MTRF1: variants seen among roughly 807,000 people sequenced by gnomAD.
MTRF1 encodes mitochondrial translation release factor 1.
A neutral mutation model predicts 62.9 loss-of-function variants in MTRF1; 51 were observed. The ratio of observed to expected loss-of-function variants is 0.81; its 90% CI spans 0.65 to 1.02. The LOEUF (loss-of-function observed/expected upper bound fraction) is 1.02. Ranked by LOEUF, MTRF1 falls within the 50% of genes least tolerant of loss-of-function variation. The pLI is 0.00. For missense variants in MTRF1, 446 were observed against 530.0 expected (o/e 0.84, Z 1.56); for synonymous variants, 158 against 181.9 (o/e 0.87, Z 1.06).
intron 3 of MTRF1, among the ~76,000 whole-genome samples, chr13:41,253,289 A>G (rs1313531777): frequency 6.6e-6 from 1 of 152,236 alleles, no homozygotes; most frequent in East Asian, 1.9e-4. Context: ...AGAATGCAGA[A>G]GTTCAGATCA....
chr13:41,290,644 CG>C, the MTRF1 span, among the ~76,000 whole-genome samples: 6 of 143,556 alleles, frequency 4.2e-5, no homozygotes, highest in East Asian at 1.3e-3. Context: ...CCGCCCACCT[CG>C]GCCTCCCAAA....
At chr13:41,299,142 G>A in the MTRF1 span, among the ~76,000 whole-genome samples, 31 of 150,418 alleles carry the variant, frequency 2.1e-4, no homozygotes, top group African/African-American at 4.9e-4. Flanking sequence ...GTAGTGAGCC[G>A]AGATCATGCC....
chr13:41,228,712 G>A (rs1267151917), intron 7 of MTRF1, among the ~76,000 whole-genome samples: 1 of 152,148 alleles, frequency 6.6e-6, no homozygotes, highest in Non-Finnish European at 1.5e-5. Flanking sequence ...TCCCAAGAAA[G>A]GTAATATTCC....
At chr13:41,253,850 A>G (rs1404340605) in intron 3 of MTRF1, among the ~76,000 whole-genome samples, 1 of 152,212 alleles carries the variant, frequency 6.6e-6, no homozygotes, top group African/African-American at 2.4e-5. Flanking sequence ...CTTTTCAAAA[A>G]GCCCCTCTAT....
chr13:41,306,184 C>T, the MTRF1 span, among the ~76,000 whole-genome samples: 2 of 152,036 alleles, frequency 1.3e-5, no homozygotes, highest in African/African-American at 2.4e-5. Flanking sequence ...AGATCGAGAC[C>T]ATCCTGGCTA....
intron 6 of MTRF1, chr13:41,235,380 G>C (rs2036318020): frequency 6.6e-6 from 1 of 152,062 alleles, no homozygotes; most frequent in Admixed American, 6.6e-5. Flanking sequence ...ATAACTACTG[G>C]GAATAATGAA....
intron 8 of MTRF1, 111 bp from the exon 9 acceptor site, chr13:41,223,465 A>T (rs2026469): frequency 0.71 from 563,019 of 797,400 alleles, 199,810 homozygotes; most frequent in African/African-American, 0.72. Context: ...TTTCTAAAAG[A>T]CATATATACA....
the MTRF1 span, among the ~76,000 whole-genome samples, chr13:41,283,956 C>T: frequency 6.6e-6 from 1 of 152,054 alleles, no homozygotes; most frequent in Non-Finnish European, 1.5e-5. Context: ...TCCTGTTTTA[C>T]AGCACTAGGT....
chr13:41,231,921 G>A (rs1263818948), intron 7 of MTRF1, among the ~76,000 whole-genome samples: 1 of 151,122 alleles, frequency 6.6e-6, no homozygotes, highest in Non-Finnish European at 1.5e-5. Context: ...AGGCATGGTG[G>A]CAAGCGCCTA....
chr13:41,261,370 CATAATTCTT>C (rs66914544), intron 1 of MTRF1: 95,137 of 153,338 alleles, frequency 0.62, 29,845 homozygotes, highest in Admixed American at 0.65. Context: ...ACAGAAAGAA[CATAATTCTT>C]CAAATGTATG....
chr13:41,281,717 C>T, the MTRF1 span, among the ~76,000 whole-genome samples: 1 of 152,168 alleles, frequency 6.6e-6, no homozygotes, highest in Non-Finnish European at 1.5e-5. Context: ...CACTTTGTAA[C>T]AGTACTGACT....
the MTRF1 span, among the ~76,000 whole-genome samples, chr13:41,287,497 G>A: frequency 8.5e-5 from 13 of 152,210 alleles, no homozygotes; most frequent in East Asian, 2.5e-3. Context: ...CGATATTAAG[G>A]GGATCTAAAA....
At position 41,217,133 on chromosome 13, in the gene MTRF1, G is replaced by A; in HGVS notation, c.1320C>T (p.His440=). 6.2e-7 allele frequency: 1 copy of A among 1,602,678 alleles called. No individual in the cohort carries two copies. The highest frequency in any genetic ancestry group is 8.5e-7 in the Non-Finnish European group (1 of 1,172,596). ...TTAGTATTTATTTTGCTGATTTAAG[G>A]TGTTCATCCAAAAGTTCAGCAATGG... is the stretch of plus-strand genomic sequence containing the variant. ...EEAIAELLDE[H]LKSAK Residue 440 remains histidine, a synonymous_variant, in exon 10 of 10, where the codon CAC becomes CAT. Coordinates refer to ENST00000379480, the MANE Select transcript of MTRF1 (RefSeq NM_004294.4).
At chr13:41,256,453 A>G (rs2039737977) in intron 2 of MTRF1, among the ~76,000 whole-genome samples, 1 of 151,330 alleles carries the variant, frequency 6.6e-6, no homozygotes, top group African/African-American at 2.4e-5. Context: ...CAGCCTCCCG[A>G]GTAGTTGAGA....
the MTRF1 span, among the ~76,000 whole-genome samples, chr13:41,269,844 C>T: frequency 6.6e-6 from 1 of 152,182 alleles, no homozygotes; most frequent in African/African-American, 2.4e-5. Flanking sequence ...CTGACTCCAT[C>T]TTGCTTCTAA....
chr13:41,303,142 T>C, the MTRF1 span, among the ~76,000 whole-genome samples: 1 of 152,160 alleles, frequency 6.6e-6, no homozygotes, highest in African/African-American at 2.4e-5. Flanking sequence ...TATTTGATGC[T>C]AACTGCAAGA....
At chr13:41,220,921 T>C (rs1279725007) in intron 9 of MTRF1, among the ~76,000 whole-genome samples, 1 of 152,166 alleles carries the variant, frequency 6.6e-6, no homozygotes, top group African/African-American at 2.4e-5. Context: ...AAATCCACTT[T>C]TGTCCTGGGT....
the MTRF1 span, among the ~76,000 whole-genome samples, chr13:41,301,084 G>C: frequency 6.6e-6 from 1 of 152,150 alleles, no homozygotes; most frequent in Non-Finnish European, 1.5e-5. Context: ...GTCTAGTACA[G>C]AGTAAGTGTT....
At chr13:41,292,120 GAA>G in the MTRF1 span, among the ~76,000 whole-genome samples, 1 of 152,132 alleles carries the variant, frequency 6.6e-6, no homozygotes, top group African/African-American at 2.4e-5. Flanking sequence ...AAAGCTGAAA[GAA>G]GAGAGAGAGA....
Sources: gnomAD v4.1 joint callset for allele counts (sites outside exome capture counted in the v4.1 genomes callset) on GRCh38, gnomAD v4.1.1 for gene constraint, MANE v1.5 for transcripts, NCBI Gene and HGNC (gene_info 2026-07-23, HGNC 2026-07-21) for gene names.